KMT2E: variants seen among roughly 807,000 people sequenced by gnomAD.
KMT2E encodes the protein histone reader KMT2E.
KMT2E carries 30 observed loss-of-function variants against 184.6 expected under a neutral mutation model. That is an observed-to-expected ratio of 0.16 (90% CI 0.12 to 0.22). The LOEUF (loss-of-function observed/expected upper bound fraction) is 0.22. Among genes scored for constraint, KMT2E ranks in the 10% least tolerant of loss-of-function variants. The pLI is 1.00. For missense variants in KMT2E, 2,023 were observed against 2,237.4 expected (o/e 0.90, Z 1.93); for synonymous variants, 815 against 776.5 (o/e 1.05, Z -0.82).
intron 23 of KMT2E, 142 bp from the exon 24 acceptor site, chr7:105,110,138 T>A (rs1367454881): frequency 2.9e-6 from 2 of 695,964 alleles, no homozygotes; most frequent in Non-Finnish European, 4.9e-6. Flanking sequence ...CTGCCAAGAT[T>A]AACTATTTTC....
intron 15 of KMT2E, among the ~76,000 whole-genome samples, chr7:105,094,463 A>G (rs775800608): frequency 2.6e-5 from 4 of 152,194 alleles, no homozygotes; most frequent in African/African-American, 4.8e-5. Flanking sequence ...GAATATTTGC[A>G]TTGCACTTAC....
At chr7:105,017,107 G>C (rs1340698641) in intron 1 of KMT2E, among the ~76,000 whole-genome samples, 1 of 152,128 alleles carries the variant, frequency 6.6e-6, no homozygotes, top group East Asian at 1.9e-4. Flanking sequence ...TATTTTAAAG[G>C]CTGGGTGATT....
At chr7:105,102,396 TCA>T in intron 17 of KMT2E, 1 of 436,828 alleles carries the variant, frequency 2.3e-6, no homozygotes, top group Non-Finnish European at 4.0e-6. Context: ...AAAGTTACAT[TCA>T]GTTTATCAGG....
chr7:105,058,915 A>C (rs1315426827), intron 3 of KMT2E, among the ~76,000 whole-genome samples: 1 of 152,182 alleles, frequency 6.6e-6, no homozygotes, highest in East Asian at 1.9e-4. Context: ...CTTCCTGCTG[A>C]CAGGCTAAAA....
intron 6 of KMT2E, among the ~76,000 whole-genome samples, chr7:105,070,632 C>CAAAAAAAAAAA (rs57911728): frequency 3.4e-5 from 2 of 59,532 alleles, no homozygotes; most frequent in Non-Finnish European, 3.0e-5. Flanking sequence ...GACTGTGTCT[C>CAAAAAAAAAAA]AAAAAAAAAA....
At chr7:105,021,446 G>C (rs910207266) in intron 1 of KMT2E, among the ~76,000 whole-genome samples, 2 of 152,152 alleles carry the variant, frequency 1.3e-5, no homozygotes, top group Admixed American at 1.3e-4. Context: ...CTTCTTAAAA[G>C]CCTGCTGTTT....
intron 1 of KMT2E, among the ~76,000 whole-genome samples, chr7:105,030,944 G>A (rs1161780689): frequency 6.6e-6 from 1 of 152,078 alleles, no homozygotes; most frequent in Non-Finnish European, 1.5e-5. Context: ...TTTAGAGAGG[G>A]AAAGAAGAAA....
chr7:105,102,301 G>C, intron 17 of KMT2E, 107 bp downstream of exon 17: 1 of 825,738 alleles, frequency 1.2e-6, no homozygotes, highest in Non-Finnish European at 1.8e-6. Flanking sequence ...ATAAGAGGCA[G>C]TTTTTATACT....
chr7:105,063,297 A>G (rs887968884), intron 4 of KMT2E, 54 bp from the exon 5 acceptor site: 46 of 1,281,420 alleles, frequency 3.6e-5, no homozygotes, highest in South Asian at 2.6e-4. Context: ...TGCTTGGTTT[A>G]TATCATTGTT....
intron 17 of KMT2E, chr7:105,104,931 G>A (rs558930289): frequency 2.0e-5 from 3 of 152,570 alleles, no homozygotes; most frequent in Admixed American, 2.0e-4. Flanking sequence ...CACTTTGCAA[G>A]GCTGAGGCGG....
chr7:105,086,927 T>C (rs1313114082), intron 13 of KMT2E, among the ~76,000 whole-genome samples: 1 of 146,836 alleles, frequency 6.8e-6, no homozygotes, highest in Non-Finnish European at 1.5e-5. Flanking sequence ...ATATATATGC[T>C]ACATATAAGT....
At chr7:105,057,065 A>T (rs10260346) in intron 3 of KMT2E, among the ~76,000 whole-genome samples, 41,009 of 152,054 alleles carry the variant, frequency 0.27, 8,093 homozygotes, top group East Asian at 0.58. Context: ...TGCTTCATGA[A>T]TCCTAAAATT....
rs1795736814 is a variant in KMT2E at position 105,038,083 on chromosome 7, A to G, written c.-188-43A>G. 2.6e-5 allele frequency: 4 copies of G among 152,330 alleles called. No homozygotes were observed. In the South Asian group the frequency reaches 8.3e-4, roughly 32 times the overall value. 9.4% of individuals were successfully genotyped at this position (152,330 alleles called of 1,614,324 possible). On this transcript the variant is annotated intron_variant, in intron 1 of 26. Coordinates refer to ENST00000311117, the MANE Select transcript of KMT2E (RefSeq NM_182931.3). The stretch of plus-strand genomic sequence containing the variant: ...TTAGAAGTAATTATAATTTTATGCC[A>G]TTTAAAAATAGCTCAAAACTCCTAT...
At chr7:105,096,621 A>G (rs977816029) in intron 15 of KMT2E, among the ~76,000 whole-genome samples, 17 of 150,866 alleles carry the variant, frequency 1.1e-4, no homozygotes, top group Admixed American at 6.0e-4. Flanking sequence ...AGTTTTATTC[A>G]TTGTTGTAGC....
At chr7:105,053,566 G>A (rs1796433830) in intron 3 of KMT2E, among the ~76,000 whole-genome samples, 1 of 152,154 alleles carries the variant, frequency 6.6e-6, no homozygotes, top group Admixed American at 6.6e-5. Context: ...ATAGATCAAA[G>A]ATAGGCACTT....
rs1385630984 is a variant in KMT2E, at chr7:105,105,348, AT to A, written c.2197-90del. On this transcript the variant is annotated intron_variant, in intron 17 of 26. Transcript: ENST00000311117. ...TAAATTACCCAATTTATCATTTTAG[AT>A]AATACACCAATTTCAAATCTGGTAT... The A allele has an allele frequency of 3.3e-6, 3 of 915,252 alleles. No homozygotes were observed. In the African/African-American group the frequency reaches 5.1e-5, roughly 15 times the overall value. 56.7% of individuals were successfully genotyped at this position (915,252 alleles called of 1,614,324 possible). A position where few individuals can be genotyped will look rare whatever the true frequency, so the allele number is the denominator to read the frequency against.
At position 105,113,462 on chromosome 7, in the gene KMT2E, G is replaced by GTAT. The variant is rs1183152257; in HGVS notation, c.*131_*133dup. On this transcript the variant is annotated 3_prime_UTR_variant, in exon 27 of 27. Transcript: ENST00000311117. ...TAAAAAACACCAGTGCTCTTTCGTT[G>GTAT]TATTTTTCTCATTTTTGCTTTTTAA... 1.9e-6 allele frequency: 2 copies of GTAT among 1,044,968 alleles called. No individual in the cohort carries two copies. Among genetic ancestry groups the GTAT allele is most frequent in the East Asian group, 2.8e-5 (1 of 36,354 alleles). 64.7% of individuals were successfully genotyped at this position (1,044,968 alleles called of 1,614,324 possible).
intron 6 of KMT2E, among the ~76,000 whole-genome samples, chr7:105,067,354 G>T (rs1797074562): frequency 6.6e-6 from 1 of 151,950 alleles, no homozygotes; most frequent in Non-Finnish European, 1.5e-5. Flanking sequence ...CTTAGTTAAA[G>T]AATTTAGTAG....
intron 18 of KMT2E, 51 bp from the exon 19 acceptor site, chr7:105,105,808 T>C: frequency 6.3e-7 from 1 of 1,585,806 alleles, no homozygotes; most frequent in Non-Finnish European, 8.6e-7. Flanking sequence ...ACAGGCTATA[T>C]AAACAGCTAC....
Sources: allele counts gnomAD v4.1 joint callset (sites outside exome capture counted in the v4.1 genomes callset), GRCh38; gene constraint gnomAD v4.1.1; transcripts MANE v1.5; gene names NCBI Gene and HGNC (gene_info 2026-07-23, HGNC 2026-07-21).